The following CSMD1 variants were observed in gnomAD, a reference collection of about 807,000 sequenced individuals.
CSMD1 encodes CUB and Sushi multiple domains 1.
CSMD1 carries 213 observed loss-of-function variants against 417.5 expected under a neutral mutation model. The ratio of observed to expected loss-of-function variants is 0.51; its 90% CI spans 0.46 to 0.57. CSMD1 has a LOEUF of 0.57. CSMD1 is among the 20% of genes least tolerant of loss of function. The pLI, the probability that CSMD1 is intolerant of heterozygous loss-of-function variation, is 0.00. For missense variants in CSMD1, 6,923 were observed against 4,529.7 expected, an observed-to-expected ratio of 1.53 and a Z score of -15.17; for synonymous variants, 2,862 against 1,736.8, an observed-to-expected ratio of 1.65 and a Z score of -16.11.
At chr8:3,569,117 G>T (rs1374933523) in intron 10 of CSMD1, among the ~76,000 whole-genome samples, 3 of 152,130 alleles carry the variant, frequency 2.0e-5, no homozygotes, top group Non-Finnish European at 4.4e-5. Flanking sequence ...GGTATGAGCT[G>T]TTCCAATTGT....
intron 23 of CSMD1, among the ~76,000 whole-genome samples, chr8:3,312,025 A>C (rs1483516220): frequency 1.3e-5 from 2 of 152,212 alleles, no homozygotes; most frequent in African/African-American, 2.4e-5. Flanking sequence ...AAATTAGTTT[A>C]AGAAGAAACA....
chr8:3,959,234 ACACG>A (rs1812163184), intron 5 of CSMD1, among the ~76,000 whole-genome samples: 1 of 152,226 alleles, frequency 6.6e-6, no homozygotes, highest in South Asian at 2.1e-4. Context: ...GCAGGGTGGG[ACACG>A]TGTGTAATCC....
chr8:3,509,384 A>C (rs12114474), intron 10 of CSMD1, among the ~76,000 whole-genome samples: 1,919 of 152,150 alleles, frequency 0.013, 17 homozygotes, highest in Non-Finnish European at 0.021. Context: ...AAAATAATCC[A>C]TTGCTATTAA....
intron 10 of CSMD1, among the ~76,000 whole-genome samples, chr8:3,538,637 G>C (rs973473524): frequency 2.6e-5 from 4 of 152,256 alleles, no homozygotes; most frequent in African/African-American, 4.8e-5. Context: ...AAGGTATAGA[G>C]CTTTCCTCTT....
At chr8:4,094,592 G>C (rs1039829452) in intron 3 of CSMD1, among the ~76,000 whole-genome samples, 1 of 152,180 alleles carries the variant, frequency 6.6e-6, no homozygotes, top group South Asian at 2.1e-4. Flanking sequence ...GCACCGTGCT[G>C]TGCTTGTGTA....
intron 6 of CSMD1, among the ~76,000 whole-genome samples, chr8:3,736,278 G>A (rs1405856647): frequency 6.6e-6 from 1 of 151,942 alleles, no homozygotes; most frequent in Non-Finnish European, 1.5e-5. Context: ...GTCTCACTGT[G>A]TCACCCAGGC....
chr8:3,230,275 G>A (rs1436216839), intron 26 of CSMD1, 44 bp from the exon 27 acceptor site: 10 of 1,464,846 alleles, frequency 6.8e-6, no homozygotes, highest in Non-Finnish European at 9.2e-6. Context: ...GGAAAACATG[G>A]TTTCCACATT....
chr8:3,151,338 C>G (rs1244781073), intron 40 of CSMD1, 59 bp downstream of exon 40: 7 of 1,093,132 alleles, frequency 6.4e-6, no homozygotes, highest in Non-Finnish European at 9.6e-6. Flanking sequence ...CTGCTTAATT[C>G]TTTCCAAGAT....
At chr8:4,371,416 G>C (rs578109619) in intron 3 of CSMD1, among the ~76,000 whole-genome samples, 23 of 152,294 alleles carry the variant, frequency 1.5e-4, no homozygotes, top group African/African-American at 4.3e-4. Context: ...TTTAATTCAA[G>C]TAAGCATTAG....
chr8:2,989,337 G>T (rs1452250278), intron 54 of CSMD1, among the ~76,000 whole-genome samples: 5 of 151,926 alleles, frequency 3.3e-5, no homozygotes, highest in African/African-American at 1.2e-4. Flanking sequence ...TTGAATCTTA[G>T]TTCTGAAATA....
At chr8:4,812,805 A>G (rs533905632) in intron 1 of CSMD1, among the ~76,000 whole-genome samples, 2 of 152,318 alleles carry the variant, frequency 1.3e-5, no homozygotes, top group South Asian at 4.1e-4. Flanking sequence ...TTATGGAGGA[A>G]AACACATTTC....
At position 3,000,032 on chromosome 8, in the gene CSMD1, A is replaced by T. The variant is rs764103312; in HGVS notation, c.8129T>A (p.Phe2710Tyr). The T allele has an allele frequency of 6.2e-7, 1 of 1,607,208 alleles. No homozygotes were observed. The highest frequency in any genetic ancestry group is 8.5e-7 in the Non-Finnish European group (1 of 1,178,666). The change falls in exon 53 of 70, where the codon TTC becomes TAC. Residue 2710 changes from phenylalanine (F) to tyrosine (Y), a missense_variant. Physicochemically the swap from Phe to Tyr is conservative, Grantham distance 22. Transcript: ENST00000635120. The stretch of plus-strand genomic sequence containing the variant: ...CCTCACGGAAGTTCCCACAAGCCGG[A>T]AACCAGGATTGCACTGGTAAACCAC... ...DTVVYQCNPG[F>Y]RLVGTSVRIC...
At chr8:3,296,122 GA>G (rs1803946427) in intron 25 of CSMD1, among the ~76,000 whole-genome samples, 1 of 152,002 alleles carries the variant, frequency 6.6e-6, no homozygotes, top group Non-Finnish European at 1.5e-5. Flanking sequence ...AAGTAGACAG[GA>G]AAAGAATCAC....
intron 7 of CSMD1, among the ~76,000 whole-genome samples, chr8:3,658,496 T>A (rs1298915081): frequency 2.0e-5 from 3 of 147,324 alleles, no homozygotes; most frequent in Admixed American, 6.7e-5. Context: ...TTTAAAGCTT[T>A]CCTTGGTCGG....
At chr8:3,790,600 A>G (rs1156398445) in intron 5 of CSMD1, among the ~76,000 whole-genome samples, 1 of 152,222 alleles carries the variant, frequency 6.6e-6, no homozygotes, top group Non-Finnish European at 1.5e-5. Flanking sequence ...GGCATACACA[A>G]CAATTACATT....
chr8:3,535,396 T>C (rs772386560), intron 10 of CSMD1, among the ~76,000 whole-genome samples: 1 of 152,180 alleles, frequency 6.6e-6, no homozygotes, highest in Non-Finnish European at 1.5e-5. Context: ...GTGTGAACCC[T>C]GACACCTGCA....
At chr8:4,586,320 G>A (rs1799697469) in intron 2 of CSMD1, among the ~76,000 whole-genome samples, 1 of 152,136 alleles carries the variant, frequency 6.6e-6, no homozygotes, top group Admixed American at 6.5e-5. Flanking sequence ...AATTCCCATT[G>A]GCAGTGACTA....
intron 6 of CSMD1, among the ~76,000 whole-genome samples, chr8:3,736,277 T>C (rs889378178): frequency 6.6e-5 from 10 of 152,204 alleles, no homozygotes; most frequent in African/African-American, 2.4e-4. Flanking sequence ...GGTCTCACTG[T>C]GTCACCCAGG....
intron 69 of CSMD1, among the ~76,000 whole-genome samples, chr8:2,939,929 G>C (rs1413581892): frequency 6.6e-6 from 1 of 152,198 alleles, no homozygotes; most frequent in Non-Finnish European, 1.5e-5. Context: ...TTCATGTGTA[G>C]GGAAATGCAA....
Sources: gnomAD v4.1 joint callset for allele counts (sites outside exome capture counted in the v4.1 genomes callset) on GRCh38, gnomAD v4.1.1 for gene constraint, MANE v1.5 for transcripts, NCBI Gene and HGNC (gene_info 2026-07-23, HGNC 2026-07-21) for gene names.